Variants in DENND1A observed in about 807,000 individuals in gnomAD.
The protein encoded by DENND1A is DENN domain containing 1A, also known as DENN domain-containing protein 1A.
In DENND1A, 51 loss-of-function variants were observed where a neutral mutation model predicts 113.7. The observed-to-expected ratio is 0.45, with a 90% CI of 0.36 to 0.57. DENND1A has a LOEUF of 0.57. Ranked by LOEUF, DENND1A falls within the 20% of genes least tolerant of loss-of-function variation. The pLI is 0.00. For synonymous variants in DENND1A, 565 were observed against 570.8 expected, an observed-to-expected ratio of 0.99 and a Z score of 0.14; for missense variants, 1,258 against 1,395.9, an observed-to-expected ratio of 0.90 and a Z score of 1.57.
rs536913058 is a variant in DENND1A at position 123,437,106 on chromosome 9, C to A, written c.1488+3254G>T. Among the ~76,000 whole-genome samples the A allele has an allele frequency of 5.3e-4, 81 of 152,302 alleles. 1 individual carries two copies. Among genetic ancestry groups the A allele is most frequent in the Middle Eastern group, 3.4e-3 (1 of 294 alleles). On this transcript the variant is annotated intron_variant, in intron 19 of 23. Transcript: ENST00000394215. Reference sequence around the variant, plus strand: ...GGGCCCTGGGAGTGCTTGGAGCCTACTTCCCTCATTGTCTTTATCCCTCTG... The same window carrying A: ...GGGCCCTGGGAGTGCTTGGAGCCTAATTCCCTCATTGTCTTTATCCCTCTG...
At chr9:123,832,096 A>G (rs555221005) in intron 2 of DENND1A, among the ~76,000 whole-genome samples, 1 of 152,342 alleles carries the variant, frequency 6.6e-6, no homozygotes, top group South Asian at 2.1e-4. Flanking sequence ...CTATAAATAT[A>G]TAAAATTATG....
At chr9:123,679,736 C>T (rs977615909) in intron 5 of DENND1A, among the ~76,000 whole-genome samples, 2 of 152,216 alleles carry the variant, frequency 1.3e-5, no homozygotes, top group African/African-American at 4.8e-5. Context: ...CTTGCGCGGC[C>T]TGCTAGGCTG....
intron 2 of DENND1A, among the ~76,000 whole-genome samples, chr9:123,805,499 T>C (rs776761445): frequency 1.3e-5 from 2 of 151,760 alleles, no homozygotes; most frequent in South Asian, 2.1e-4. Flanking sequence ...AATGGCATGA[T>C]CTCAGCTCAC....
intron 4 of DENND1A, among the ~76,000 whole-genome samples, chr9:123,763,463 T>C (rs2071215197): frequency 6.6e-6 from 1 of 152,168 alleles, no homozygotes; most frequent in East Asian, 1.9e-4. Context: ...TTGGGATATG[T>C]TAAGTCTGAG....
At chr9:123,463,312 C>T (rs376516446) in intron 13 of DENND1A, among the ~76,000 whole-genome samples, 59 of 152,254 alleles carry the variant, frequency 3.9e-4, no homozygotes, top group Admixed American at 9.2e-4. Context: ...TGGAATCCAT[C>T]GGAAACACTA....
chr9:123,425,259 T>G (rs2045622683), intron 19 of DENND1A, among the ~76,000 whole-genome samples: 1 of 152,274 alleles, frequency 6.6e-6, no homozygotes, highest in African/African-American at 2.4e-5. Flanking sequence ...GCTCTTGTCC[T>G]GTTGGGCTCA....
intron 8 of DENND1A, among the ~76,000 whole-genome samples, chr9:123,656,559 G>A (rs903187893): frequency 6.6e-6 from 1 of 152,168 alleles, no homozygotes; most frequent in African/African-American, 2.4e-5. Flanking sequence ...AATCTCAAGT[G>A]ACCCCTGGAC....
chr9:123,385,233 C>G (rs545608632), intron 22 of DENND1A, among the ~76,000 whole-genome samples: 2 of 152,154 alleles, frequency 1.3e-5, no homozygotes, highest in Non-Finnish European at 2.9e-5. Flanking sequence ...GGCGCAGTCT[C>G]GGCTCACTGC....
At chr9:123,490,113 G>C (rs997658293) in intron 13 of DENND1A, among the ~76,000 whole-genome samples, 3 of 152,186 alleles carry the variant, frequency 2.0e-5, no homozygotes, top group Non-Finnish European at 4.4e-5. Context: ...GTTAAGGCCG[G>C]CCTGTTTTGA....
chr9:123,473,932 C>T (rs1340749577), intron 13 of DENND1A, among the ~76,000 whole-genome samples: 3 of 151,706 alleles, frequency 2.0e-5, no homozygotes, highest in Non-Finnish European at 2.9e-5. Context: ...TTGCACTCAG[C>T]CTCTCCAAGC....
rs573719856 is a variant in DENND1A, at chr9:123,484,598, C to A, written c.994-26701G>T. On this transcript the variant is annotated intron_variant, in intron 13 of 23. Transcript: ENST00000394215. ...CCCCGGCCCCTGCCTGTCCTTCCTG[C>A]CTTGTTGCCCCTTGCTCCGCACCCC... is the stretch of plus-strand genomic sequence containing the variant. Among the ~76,000 whole-genome samples the A allele has an allele frequency of 1.5e-3, 225 of 152,302 alleles. 1 individual carries two copies. Among genetic ancestry groups the A allele is most frequent in the Middle Eastern group, 6.8e-3 (2 of 294 alleles).
intron 2 of DENND1A, among the ~76,000 whole-genome samples, chr9:123,818,106 G>C (rs1011011166): frequency 6.6e-6 from 1 of 152,010 alleles, no homozygotes; most frequent in East Asian, 1.9e-4. Flanking sequence ...ATTGTTTTTC[G>C]TTTTGTTTTG....
intron 1 of DENND1A, 109 bp downstream of exon 1, chr9:123,929,780 C>G (rs1857715858): frequency 5.8e-6 from 1 of 171,476 alleles, no homozygotes; most frequent in South Asian, 1.7e-4. Flanking sequence ...ACGCGGGGCG[C>G]CCCTCTGGTC....
At position 123,382,522 on chromosome 9, in the gene DENND1A, G is replaced by A; in HGVS notation, c.2123C>T (p.Ala708Val). 1.2e-6 allele frequency: 2 copies of A among 1,614,132 alleles called. No homozygotes were observed. The highest frequency in any genetic ancestry group is 1.7e-6 in the Non-Finnish European group (2 of 1,180,022). The change falls in exon 24 of 24, where the codon GCC becomes GTC. Residue 708 changes from alanine (A) to valine (V), a missense_variant. Around this residue, in one of 2 missense-constraint regions of DENND1A, gnomAD observed 1,159 missense variants for 1,231.7 expected, o/e 0.94. Transcript: ENST00000394215. ...KLWSLGQDDMAIPSKPPAASP... is the reference protein window; with the variant it reads ...KLWSLGQDDMVIPSKPPAASP... ...GGCAGCTGGGGGCTTGCTGGGGATG[G>A]CCATGTCGTCCTGGCCCAGGCTCCA...
At chr9:123,415,194 G>A (rs570246989) in intron 19 of DENND1A, among the ~76,000 whole-genome samples, 190 of 152,222 alleles carry the variant, frequency 1.2e-3, no homozygotes, top group African/African-American at 4.4e-3. Flanking sequence ...ACCCAACAAC[G>A]GCAACCAAGA....
intron 1 of DENND1A, among the ~76,000 whole-genome samples, chr9:123,894,869 T>C (rs1039504288): frequency 6.6e-6 from 1 of 152,154 alleles, no homozygotes; most frequent in East Asian, 1.9e-4. Context: ...AGAAGCACCA[T>C]GAAGAGGTGA....
chr9:123,397,923 T>A (rs2043217735), intron 21 of DENND1A, among the ~76,000 whole-genome samples: 1 of 152,176 alleles, frequency 6.6e-6, no homozygotes, highest in Admixed American at 6.5e-5. Flanking sequence ...GAACTTCAAA[T>A]AACCAGGATG....
At chr9:123,544,011 A>C (rs12335550) in intron 13 of DENND1A, among the ~76,000 whole-genome samples, 8,389 of 152,286 alleles carry the variant, frequency 0.055, 329 homozygotes, top group Admixed American at 0.087. Flanking sequence ...ACTATAATAG[A>C]CTTCAAATTC....
chr9:123,653,829 C>T (rs1206692849), intron 8 of DENND1A, among the ~76,000 whole-genome samples: 2 of 151,854 alleles, frequency 1.3e-5, no homozygotes, highest in African/African-American at 2.4e-5. Context: ...AGGTGCTTTT[C>T]CTGTGTTCTT....
Sources: gnomAD v4.1 joint callset for allele counts (sites outside exome capture counted in the v4.1 genomes callset) on GRCh38, gnomAD v4.1.1 for gene constraint, gnomAD v4.1.1 regional missense constraint, MANE v1.5 for transcripts, NCBI Gene and HGNC (gene_info 2026-07-23, HGNC 2026-07-21) for gene names.